Variants in LACTB2 observed in about 807,000 individuals in gnomAD.
LACTB2 encodes lactamase beta 2.
A neutral mutation model predicts 34.8 loss-of-function variants in LACTB2; 32 were observed. That is an observed-to-expected ratio of 0.92 (90% CI 0.69 to 1.24). The LOEUF (loss-of-function observed/expected upper bound fraction) is 1.24. Among genes scored for constraint, LACTB2 ranks in the 50% most tolerant of loss-of-function variants. The pLI is 0.00. For missense variants in LACTB2, 320 were observed against 345.0 expected, an observed-to-expected ratio of 0.93 and a Z score of 0.57; for synonymous variants, 120 against 117.5, an observed-to-expected ratio of 1.02 and a Z score of -0.14.
intron 1 of LACTB2, among the ~76,000 whole-genome samples, chr8:70,666,306 G>T (rs1393140058): frequency 6.6e-6 from 1 of 152,196 alleles, no homozygotes. Context: ...TAAGGACCAT[G>T]AAAAGTATGG....
At chr8:70,642,005 T>C (rs972246153) in intron 4 of LACTB2, among the ~76,000 whole-genome samples, 1 of 152,160 alleles carries the variant, frequency 6.6e-6, no homozygotes, top group Admixed American at 6.6e-5. Context: ...GGATGACAAC[T>C]GTAAAGGCCC....
intron 2 of LACTB2, chr8:70,660,646 G>A (rs1348792020): frequency 4.4e-6 from 2 of 456,242 alleles, no homozygotes; most frequent in East Asian, 1.4e-4. Flanking sequence ...CTGTTTGCCT[G>A]CAGGCCTTCC....
intron 1 of LACTB2, among the ~76,000 whole-genome samples, chr8:70,664,187 G>T (rs993244098): frequency 2.0e-5 from 3 of 152,024 alleles, no homozygotes; most frequent in Non-Finnish European, 4.4e-5. Flanking sequence ...CCATGCTTCA[G>T]GTAAGGCTCA....
At chr8:70,653,221 T>G (rs1048703875) in intron 3 of LACTB2, among the ~76,000 whole-genome samples, 1 of 152,058 alleles carries the variant, frequency 6.6e-6, no homozygotes, top group Non-Finnish European at 1.5e-5. Context: ...AACAATCCTC[T>G]CACCTCAGCC....
In LACTB2 at chr8:70,657,847, G is replaced by A. The variant is rs1818431519; in HGVS notation, c.322C>T (p.Pro108Ser). The A allele has an allele frequency of 6.2e-7, 1 of 1,607,306 alleles. No individual in the cohort carries two copies. The highest frequency in any genetic ancestry group is 1.7e-5 in the Admixed American group (1 of 59,918). The part of the protein sequence containing the change: ...TYCIKKLPRN[P>S]QREEIIGNGE... The stretch of plus-strand genomic sequence containing the variant: ...TTTCCTATAATTTCTTCTCTCTGAG[G>A]ATTCCGTGGGAGTTTTTTAATGCAA... The change falls in exon 3 of 7, where the codon CCT becomes TCT. Residue 108 changes from proline to serine, a missense_variant. Coordinates refer to ENST00000276590, the MANE Select transcript of LACTB2 (RefSeq NM_016027.3).
chr8:70,646,047 C>G (rs1468648485), intron 3 of LACTB2: 2 of 152,158 alleles, frequency 1.3e-5, no homozygotes, highest in African/African-American at 4.8e-5. Flanking sequence ...ATTTCTAGTT[C>G]TAGATCCCTG....
At chr8:70,644,000 A>C in intron 4 of LACTB2, 65 bp downstream of exon 4, 2 of 1,364,796 alleles carry the variant, frequency 1.5e-6, no homozygotes, top group Non-Finnish European at 1.9e-6. Flanking sequence ...CAGCCTGGAA[A>C]ACATAGCAAG....
Position 70,640,932 on chromosome 8 carries a change from T to C in LACTB2, c.711A>G (p.Thr237=), listed in dbSNP as rs759023162. 8.7e-6 allele frequency: 14 copies of C among 1,606,038 alleles called. No individual in the cohort carries two copies. The highest frequency in any genetic ancestry group is 4.5e-5 in the East Asian group (2 of 44,522). ...AAATAATTTTTACAAGCTCCATTAC[T>C]GTAAATGATTTCTCAAAGTTCTCAC... ...LFRENFEKSF[T]VMELVKIIYK... is the part of the protein sequence containing the mutation. Residue 237 remains threonine, a synonymous_variant, in exon 5 of 7, where the codon ACA becomes ACG. Transcript: ENST00000276590.
At chr8:70,649,365 T>C (rs1046724132) in intron 3 of LACTB2, among the ~76,000 whole-genome samples, 4 of 152,142 alleles carry the variant, frequency 2.6e-5, no homozygotes, top group African/African-American at 9.7e-5. Context: ...GAAGATTAAA[T>C]TGAGAGAATC....
intron 1 of LACTB2, chr8:70,662,206 G>A (rs974210290): frequency 4.7e-5 from 9 of 193,024 alleles, no homozygotes; most frequent in African/African-American, 2.3e-5. Context: ...TACATTCCTC[G>A]TAACAACTGT....
intron 1 of LACTB2, among the ~76,000 whole-genome samples, chr8:70,663,747 A>G (rs575009685): frequency 9.9e-4 from 151 of 152,290 alleles, no homozygotes; most frequent in Non-Finnish European, 1.9e-3. Flanking sequence ...CTCGGGTCAG[A>G]GTGAGTTCTG....
chr8:70,642,060 A>G (rs930914491), intron 4 of LACTB2, among the ~76,000 whole-genome samples: 1 of 152,192 alleles, frequency 6.6e-6, no homozygotes. Context: ...TATGGTAGCT[A>G]TGGCTACAGA....
intron 4 of LACTB2, among the ~76,000 whole-genome samples, chr8:70,643,389 A>AT (rs1178085143): frequency 2.6e-5 from 4 of 151,764 alleles, no homozygotes; most frequent in African/African-American, 9.7e-5. Flanking sequence ...CGCCTGGGTA[A>AT]TTTTTGTATT....
At chr8:70,661,125 C>G (rs1446861551) in intron 2 of LACTB2, 1 of 445,696 alleles carries the variant, frequency 2.2e-6, no homozygotes, top group Non-Finnish European at 4.5e-6. Context: ...GGAATGAAAG[C>G]TCCATGAGAA....
At chr8:70,638,709 A>G in intron 5 of LACTB2, 80 bp from the exon 6 acceptor site, 2 of 1,174,918 alleles carry the variant, frequency 1.7e-6, no homozygotes, top group Non-Finnish European at 2.2e-6. Flanking sequence ...AGCTTTGAAG[A>G]AAAGCAAAAT....
intron 1 of LACTB2, 134 bp from the exon 2 acceptor site, chr8:70,662,031 A>C: frequency 2.9e-6 from 2 of 694,774 alleles, no homozygotes; most frequent in East Asian, 2.9e-5. Context: ...AACCAGCTAC[A>C]TCACTTCAGC....
Position 70,669,149 on chromosome 8 carries a change from G to T in LACTB2, c.-29C>A, listed in dbSNP as rs1196805131. On this transcript the variant is annotated 5_prime_UTR_variant, in exon 1 of 7. Transcript: ENST00000276590. ...CGCCTCAGCCGCCCGCCGGCGTGTC[G>T]CCTATCTGGATACTCCAGCGCGGAA... The T allele has an allele frequency of 6.2e-7, 1 of 1,609,836 alleles. No individual in the cohort carries two copies. Among genetic ancestry groups the T allele is most frequent in the African/African-American group, 1.3e-5 (1 of 74,874 alleles).
intron 3 of LACTB2, among the ~76,000 whole-genome samples, chr8:70,656,696 G>GT (rs1818416024): frequency 6.6e-6 from 1 of 152,220 alleles, no homozygotes; most frequent in South Asian, 2.1e-4. Flanking sequence ...TTTTAGAATT[G>GT]TTTTTTCTAA....
intron 3 of LACTB2, among the ~76,000 whole-genome samples, chr8:70,645,045 TCA>T: frequency 1.4e-5 from 2 of 139,550 alleles, no homozygotes; most frequent in African/African-American, 2.6e-5. Flanking sequence ...TATGTTTACA[TCA>T]TTTTATATAT....
Sources: allele counts gnomAD v4.1 joint callset (sites outside exome capture counted in the v4.1 genomes callset), GRCh38; gene constraint gnomAD v4.1.1; transcripts MANE v1.5; gene names NCBI Gene and HGNC (gene_info 2026-07-23, HGNC 2026-07-21).